ELOVL4: variants seen among roughly 807,000 people sequenced by gnomAD.
ELOVL4 encodes very long chain fatty acid elongase 4.
Under a neutral mutation model 42.1 loss-of-function variants are expected in ELOVL4, and 18 were observed. That is an observed-to-expected ratio of 0.43 (90% CI 0.30 to 0.63). ELOVL4 has a LOEUF of 0.63. Among genes scored for constraint, ELOVL4 ranks in the 30% least tolerant of loss-of-function variants. ELOVL4 has a pLI of 0.15. For synonymous variants in ELOVL4, 117 were observed against 127.0 expected (o/e 0.92, Z 0.53); for missense variants, 299 against 376.2 (o/e 0.79, Z 1.70).
chr6:79,933,427 C>T (rs1291835945), intron 1 of ELOVL4, among the ~76,000 whole-genome samples: 8 of 152,030 alleles, frequency 5.3e-5, no homozygotes, highest in Admixed American at 5.2e-4. Flanking sequence ...GACGAGGATT[C>T]GCCATGTTGC....
intron 1 of ELOVL4, among the ~76,000 whole-genome samples, chr6:79,928,728 T>TTTTTTG (rs1491501695): frequency 4.4e-5 from 2 of 45,038 alleles, no homozygotes; most frequent in African/African-American, 2.4e-4. Context: ...GGTGACTGGG[T>TTTTTTG]TTTTTTTTTT....
intron 1 of ELOVL4, among the ~76,000 whole-genome samples, chr6:79,928,357 A>C (rs1479795565): frequency 6.6e-6 from 1 of 152,176 alleles, no homozygotes; most frequent in East Asian, 1.9e-4. Flanking sequence ...TCCTAACATC[A>C]TAGATTATCT....
chr6:79,926,304 C>T lies in ELOVL4; in HGVS notation c.178G>A (p.Val60Met). 1 of 1,613,988 alleles carries T rather than the reference C, an allele frequency of 6.2e-7. No homozygotes were observed. Among genetic ancestry groups the T allele is most frequent in the Non-Finnish European group, 8.5e-7 (1 of 1,179,966 alleles). The change falls in exon 2 of 6, where the codon GTG (valine) becomes ATG (methionine). Residue 60 changes from valine (V) to methionine (M), a missense_variant. Coordinates refer to ENST00000369816, the MANE Select transcript of ELOVL4 (RefSeq NM_022726.4). ...TTCATCCATTTTGGACCCAGCCACA[C>T]AAACAGGAGATAAAGAGTGCTTATA... ...LSISTLYLLF[V>M]WLGPKWMKDR... is the part of the protein sequence containing the mutation.
chr6:79,925,243 T>C (rs1192056446), intron 2 of ELOVL4, among the ~76,000 whole-genome samples: 1 of 152,196 alleles, frequency 6.6e-6, no homozygotes, highest in African/African-American at 2.4e-5. Context: ...AAAAATCACA[T>C]GTAAATTTTA....
intron 1 of ELOVL4, among the ~76,000 whole-genome samples, chr6:79,930,899 A>T (rs1468343324): frequency 6.6e-6 from 1 of 152,228 alleles, no homozygotes; most frequent in African/African-American, 2.4e-5. Flanking sequence ...TGTTGTCAAC[A>T]TCCTAATCCT....
intron 1 of ELOVL4, among the ~76,000 whole-genome samples, chr6:79,930,872 G>A (rs1020342943): frequency 1.4e-4 from 21 of 152,080 alleles, no homozygotes; most frequent in African/African-American, 4.6e-4. Context: ...AGTGTGACAG[G>A]AGATACATTT....
intron 1 of ELOVL4, among the ~76,000 whole-genome samples, chr6:79,939,211 A>G (rs1481216173): frequency 6.6e-6 from 1 of 152,230 alleles, no homozygotes; most frequent in African/African-American, 2.4e-5. Flanking sequence ...TGACTGTTTT[A>G]CCATTGAGCA....
At chr6:79,934,809 A>G (rs570477487) in intron 1 of ELOVL4, among the ~76,000 whole-genome samples, 124 of 152,298 alleles carry the variant, frequency 8.1e-4, no homozygotes, top group African/African-American at 2.7e-3. Context: ...TCAGAGTTCA[A>G]TAATTTTTGG....
At chr6:79,918,379 T>C (rs976696140) in intron 5 of ELOVL4, among the ~76,000 whole-genome samples, 26 of 152,192 alleles carry the variant, frequency 1.7e-4, no homozygotes, top group Non-Finnish European at 2.9e-4. Context: ...ACAAACCAGA[T>C]AGGACTAATT....
intron 1 of ELOVL4, among the ~76,000 whole-genome samples, chr6:79,933,207 G>A (rs989830576): frequency 6.6e-6 from 1 of 151,338 alleles, no homozygotes; most frequent in African/African-American, 2.5e-5. Context: ...ATAATGAAGA[G>A]ATATTTGATT....
intron 4 of ELOVL4, 106 bp from the exon 5 acceptor site, chr6:79,919,653 T>C: frequency 9.8e-7 from 1 of 1,017,606 alleles, no homozygotes; most frequent in South Asian, 1.5e-5. Context: ...ATATTTAATC[T>C]TGAGTACAGA....
chr6:79,920,461 G>T (rs947843185), intron 4 of ELOVL4, among the ~76,000 whole-genome samples: 2 of 152,068 alleles, frequency 1.3e-5, no homozygotes, highest in Non-Finnish European at 2.9e-5. Flanking sequence ...GACCTATACA[G>T]GCTGAGTATT....
At chr6:79,933,443 C>T (rs1774487147) in intron 1 of ELOVL4, among the ~76,000 whole-genome samples, 1 of 152,086 alleles carries the variant, frequency 6.6e-6, no homozygotes, top group South Asian at 2.1e-4. Context: ...GTTGCTCAGG[C>T]TGGCCCTGAA....
chr6:79,919,410 T>C lies in ELOVL4; in HGVS notation c.669+10A>G. 6.2e-7 allele frequency: 1 copy of C among 1,613,676 alleles called. No individual in the cohort carries two copies. Among genetic ancestry groups the C allele is most frequent in the Non-Finnish European group, 8.5e-7 (1 of 1,179,722 alleles). On this transcript the variant is annotated intron_variant, in intron 5 of 5. Coordinates refer to ENST00000369816, the MANE Select transcript of ELOVL4 (RefSeq NM_022726.4). ...TTTACCAGAAGAAACTTTGGAAGCA[T>C]TTAACTCACCAGTTGCAACATAGTC...
chr6:79,937,693 T>C (rs1774569384), intron 1 of ELOVL4, among the ~76,000 whole-genome samples: 1 of 152,234 alleles, frequency 6.6e-6, no homozygotes, highest in African/African-American at 2.4e-5. Flanking sequence ...AAGTAGGCTA[T>C]GTTGCATTAT....
At chr6:79,927,462 T>TA (rs764562464) in intron 1 of ELOVL4, among the ~76,000 whole-genome samples, 4 of 152,166 alleles carry the variant, frequency 2.6e-5, no homozygotes, top group Non-Finnish European at 4.4e-5. Flanking sequence ...ACTCCCTATT[T>TA]AAACTGTCAT....
intron 1 of ELOVL4, among the ~76,000 whole-genome samples, chr6:79,942,813 A>G (rs914001591): frequency 1.3e-5 from 2 of 152,234 alleles, no homozygotes; most frequent in Non-Finnish European, 2.9e-5. Context: ...ATTAGCTATT[A>G]AAGTCTAGCA....
At position 79,915,310 on chromosome 6, in the gene ELOVL4, C is replaced by T. The variant is rs1334016822; in HGVS notation, c.*1298G>A. On this transcript the variant is annotated 3_prime_UTR_variant, in exon 6 of 6. Transcript: ENST00000369816. ...CATGAAATACTTCATTTGTAAATAG[C>T]AAATTGAATGTTATAGTTCTGACTA... is the stretch of plus-strand genomic sequence containing the variant. 1 of 152,452 alleles carries T rather than the reference C, an allele frequency of 6.6e-6. No individual in the cohort carries two copies. Among genetic ancestry groups the T allele is most frequent in the Non-Finnish European group, 1.5e-5 (1 of 67,968 alleles). The allele number at this position is 152,452 out of a possible 1,614,324, so 9.4% of individuals were successfully genotyped here.
intron 4 of ELOVL4, among the ~76,000 whole-genome samples, chr6:79,921,247 G>T (rs1393794588): frequency 1.3e-5 from 2 of 151,846 alleles, no homozygotes; most frequent in Non-Finnish European, 2.9e-5. Flanking sequence ...GGATCACAAG[G>T]TCAAGAGATC....
Sources: allele counts gnomAD v4.1 joint callset (sites outside exome capture counted in the v4.1 genomes callset), GRCh38; gene constraint gnomAD v4.1.1; transcripts MANE v1.5; gene names NCBI Gene and HGNC (gene_info 2026-07-23, HGNC 2026-07-21).